Variants in PDE1C observed in about 807,000 individuals in gnomAD.
PDE1C encodes the protein dual specificity calcium/calmodulin-dependent 3',5'-cyclic nucleotide phosphodiesterase 1C.
A neutral mutation model predicts 93.1 loss-of-function variants in PDE1C; 62 were observed. The observed-to-expected ratio is 0.67, with a 90% CI of 0.54 to 0.82. The LOEUF (loss-of-function observed/expected upper bound fraction) is 0.82, where lower values mean the gene tolerates loss of function less well. Ranked by LOEUF, PDE1C falls within the 40% of genes least tolerant of loss-of-function variation. The probability of loss-of-function intolerance (pLI) is 0.00; values close to 1 mark genes in which losing one functional copy is unlikely to be tolerated. For missense variants in PDE1C, 742 were observed against 884.6 expected (o/e 0.84, Z 2.04); for synonymous variants, 325 against 310.1 (o/e 1.05, Z -0.50).
At chr7:32,375,212 G>A (rs1489756591) in intron 1 of PDE1C, among the ~76,000 whole-genome samples, 3 of 152,160 alleles carry the variant, frequency 2.0e-5, no homozygotes, top group Non-Finnish European at 2.9e-5. Context: ...GAGAAGCATA[G>A]TCCTTCAGTC....
chr7:31,991,346 T>C (rs1784114838), intron 2 of PDE1C, among the ~76,000 whole-genome samples: 1 of 152,122 alleles, frequency 6.6e-6, no homozygotes. Flanking sequence ...AGATTGGAAA[T>C]GAGGTGGTAG....
intron 1 of PDE1C, among the ~76,000 whole-genome samples, chr7:32,357,616 A>G (rs1784057054): frequency 6.6e-6 from 1 of 152,146 alleles, no homozygotes; most frequent in African/African-American, 2.4e-5. Flanking sequence ...GCTCAGGGGG[A>G]AAGTTGTGAA....
chr7:32,357,342 A>AAG (rs1562688746), intron 1 of PDE1C, among the ~76,000 whole-genome samples: 1 of 152,068 alleles, frequency 6.6e-6, no homozygotes, highest in Non-Finnish European at 1.5e-5. Context: ...ACACACAAAA[A>AAG]AAAAACCTTT....
chr7:32,388,671 C>A (rs547939549), intron 1 of PDE1C, among the ~76,000 whole-genome samples: 115 of 109,670 alleles, frequency 1.0e-3, no homozygotes, highest in African/African-American at 4.1e-3. Context: ...AGAATGGGTC[C>A]CATTTCTAAA....
At chr7:32,303,675 C>CA (rs1047921298), upstream of PDE1C, among the ~76,000 whole-genome samples, 2 of 152,022 alleles carry the variant, frequency 1.3e-5, no homozygotes, top group African/African-American at 4.8e-5. Flanking sequence ...CTTGAGGGCC[C>CA]AAAAAAGGTG....
chr7:32,094,259 T>G (rs1394879603), intron 3 of PDE1C, among the ~76,000 whole-genome samples: 1 of 152,148 alleles, frequency 6.6e-6, no homozygotes, highest in Non-Finnish European at 1.5e-5. Flanking sequence ...AAGGAAAAGA[T>G]GCTGTCCTCT....
intron 3 of PDE1C, among the ~76,000 whole-genome samples, chr7:32,105,670 T>A (rs1413361110): frequency 1.3e-5 from 2 of 150,596 alleles, no homozygotes; most frequent in Non-Finnish European, 2.9e-5. Context: ...CCCAAGCAGC[T>A]GGGACTACAG....
At chr7:31,654,356 G>A in the PDE1C span, among the ~76,000 whole-genome samples, 1 of 152,138 alleles carries the variant, frequency 6.6e-6, no homozygotes, top group South Asian at 2.1e-4. Flanking sequence ...GATGGAGGGA[G>A]GGGAAGGCTG....
chr7:32,041,049 A>G (rs1584561648), intron 2 of PDE1C, among the ~76,000 whole-genome samples: 1 of 152,286 alleles, frequency 6.6e-6, no homozygotes, highest in Admixed American at 6.5e-5. Flanking sequence ...AGCCTTCTGC[A>G]TAGTGGTCAC....
chr7:32,236,596 C>T (rs185410545), intron 1 of PDE1C, among the ~76,000 whole-genome samples: 12 of 152,160 alleles, frequency 7.9e-5, no homozygotes, highest in East Asian at 1.9e-4. Flanking sequence ...TTAAAACCAC[C>T]GTGCGATACT....
intron 2 of PDE1C, among the ~76,000 whole-genome samples, chr7:31,941,895 C>T (rs1386543976): frequency 6.6e-6 from 1 of 152,152 alleles, no homozygotes; most frequent in East Asian, 1.9e-4. Context: ...AACTGTTAAT[C>T]CTAACAAAGT....
At chr7:31,621,786 G>T in the PDE1C span, among the ~76,000 whole-genome samples, 2 of 149,114 alleles carry the variant, frequency 1.3e-5, no homozygotes, top group African/African-American at 4.9e-5. Flanking sequence ...TGGACTAAAT[G>T]CTCCAATTAA....
intron 1 of PDE1C, among the ~76,000 whole-genome samples, chr7:32,421,197 A>C (rs1785425898): frequency 6.6e-6 from 1 of 152,198 alleles, no homozygotes; most frequent in African/African-American, 2.4e-5. Flanking sequence ...CTACCTCAGA[A>C]GTAGGTGATC....
At chr7:31,858,161 A>G (rs1794253093) in intron 7 of PDE1C, among the ~76,000 whole-genome samples, 2 of 152,168 alleles carry the variant, frequency 1.3e-5, no homozygotes. Flanking sequence ...ACAGGGAGAA[A>G]TAAATAAATA....
rs1197145669 is a variant in PDE1C at position 31,997,227 on chromosome 7, C to T, written c.128+54327G>A. Among the ~76,000 whole-genome samples, 3 of 152,204 alleles carry T rather than the reference C, an allele frequency of 2.0e-5. No individual in the cohort carries two copies. The East Asian group carries it at 5.8e-4, about 29-fold the overall frequency. Reference sequence around the variant, plus strand: ...AACATTGGACAAATTACTTAAGCACCTCAAGCTTTTAATTTCTTACCTCTA... The same window carrying T: ...AACATTGGACAAATTACTTAAGCACTTCAAGCTTTTAATTTCTTACCTCTA... On this transcript the variant is annotated intron_variant, in intron 2 of 17. Coordinates refer to ENST00000396191, the MANE Select transcript of PDE1C (RefSeq NM_001191057.4).
the PDE1C span, among the ~76,000 whole-genome samples, chr7:31,632,340 TGA>T: frequency 6.6e-6 from 1 of 152,010 alleles, no homozygotes; most frequent in Non-Finnish European, 1.5e-5. Flanking sequence ...CCCAGCTACT[TGA>T]GAGGCTGAAA....
intron 2 of PDE1C, among the ~76,000 whole-genome samples, chr7:32,036,480 G>T (rs1317741927): frequency 1.3e-5 from 2 of 152,104 alleles, no homozygotes; most frequent in Non-Finnish European, 2.9e-5. Flanking sequence ...TAAACAAAAA[G>T]CAGAGCACAA....
At chr7:32,016,214 C>G (rs1787887478) in intron 2 of PDE1C, among the ~76,000 whole-genome samples, 1 of 152,182 alleles carries the variant, frequency 6.6e-6, no homozygotes, top group Non-Finnish European at 1.5e-5. Flanking sequence ...ACTGCTGGAC[C>G]TATAACACTG....
intron 2 of PDE1C, among the ~76,000 whole-genome samples, chr7:32,015,745 G>A (rs1787813623): frequency 6.6e-6 from 1 of 151,868 alleles, no homozygotes; most frequent in South Asian, 2.1e-4. Context: ...CCAAAAAAAA[G>A]ATACATGGTT....
Sources: gnomAD v4.1 joint callset for allele counts (sites outside exome capture counted in the v4.1 genomes callset) on GRCh38, gnomAD v4.1.1 for gene constraint, MANE v1.5 for transcripts, NCBI Gene and HGNC (gene_info 2026-07-23, HGNC 2026-07-21) for gene names.